Variants in MLLT3 observed in about 807,000 individuals in gnomAD.
The protein encoded by MLLT3 is protein AF-9.
Under a neutral mutation model 53.2 loss-of-function variants are expected in MLLT3, and 4 were observed. The ratio of observed to expected loss-of-function variants is 0.08; its 90% CI spans 0.04 to 0.17. The LOEUF (loss-of-function observed/expected upper bound fraction) is 0.17, where lower values mean the gene tolerates loss of function less well. MLLT3 is among the 10% of genes least tolerant of loss of function. The probability of loss-of-function intolerance (pLI) is 1.00; values close to 1 mark genes in which losing one functional copy is unlikely to be tolerated. For synonymous variants in MLLT3, 283 were observed against 230.6 expected (o/e 1.23, Z -2.06); for missense variants, 569 against 684.0 (o/e 0.83, Z 1.87).
At chr9:20,609,272 G>C (rs988035806) in intron 2 of MLLT3, among the ~76,000 whole-genome samples, 1 of 151,992 alleles carries the variant, frequency 6.6e-6, no homozygotes, top group Non-Finnish European at 1.5e-5. Context: ...GAGTAGAAAA[G>C]TACTTGCTTT....
intron 2 of MLLT3, among the ~76,000 whole-genome samples, chr9:20,544,999 G>A (rs1382444383): frequency 6.7e-6 from 1 of 148,386 alleles, no homozygotes; most frequent in Non-Finnish European, 1.5e-5. Flanking sequence ...TGAGGCTGAG[G>A]TAGAAGGGCC....
At chr9:20,613,269 A>T (rs1316590649) in intron 2 of MLLT3, among the ~76,000 whole-genome samples, 1 of 152,218 alleles carries the variant, frequency 6.6e-6, no homozygotes, top group Non-Finnish European at 1.5e-5. Flanking sequence ...GCACACTTTA[A>T]AAGGGTAAAT....
chr9:20,568,003 G>A (rs1035432743), intron 2 of MLLT3, among the ~76,000 whole-genome samples: 13 of 152,060 alleles, frequency 8.5e-5, no homozygotes, highest in Admixed American at 4.6e-4. Flanking sequence ...CATGTTCTGT[G>A]GCTATTCAAT....
chr9:20,558,338 G>A lies in MLLT3; in HGVS notation c.193+62316C>T, dbSNP rs141517283. ...GGTAGAGACAGGGTTTCACCATGTT[G>A]GCCAGGCTGATCTCAAGTGCCTAAC... On this transcript the variant is annotated intron_variant, in intron 2 of 10. Coordinates refer to ENST00000380338, the MANE Select transcript of MLLT3 (RefSeq NM_004529.4). 4.2e-4 allele frequency among the ~76,000 whole-genome samples: 64 copies of A among 152,186 alleles called. 1 individual carries two copies. In the East Asian group the frequency reaches 0.012, roughly 29 times the overall value.
chr9:20,403,109 C>T (rs1822496352), intron 5 of MLLT3, among the ~76,000 whole-genome samples: 2 of 149,334 alleles, frequency 1.3e-5, no homozygotes, highest in African/African-American at 5.1e-5. Context: ...CATCCGAGGG[C>T]CCCCTTTTAA....
intron 2 of MLLT3, among the ~76,000 whole-genome samples, chr9:20,510,099 G>A (rs575621507): frequency 2.4e-4 from 37 of 152,144 alleles, no homozygotes; most frequent in African/African-American, 8.2e-4. Context: ...TCTGCTTGGC[G>A]AAAGAGCAAG....
chr9:20,534,837 G>A (rs1049641786), intron 2 of MLLT3, among the ~76,000 whole-genome samples: 2 of 152,072 alleles, frequency 1.3e-5, no homozygotes, highest in African/African-American at 4.8e-5. Context: ...AGTGAGCTGA[G>A]ATGATGCCAC....
rs1276562011 is a variant in MLLT3, at chr9:20,621,172, A to C, written c.13-338T>G. On this transcript the variant is annotated intron_variant, in intron 1 of 10. Coordinates refer to ENST00000380338, the MANE Select transcript of MLLT3 (RefSeq NM_004529.4). The surrounding 1 kb of genome is among the most constrained non-coding windows in gnomAD (Gnocchi z 7.0). ...CACGACAACAAATGCATCGGAAACA[A>C]ATCAGAAGGCGATGCCGGGGCGGTT... Among the ~76,000 whole-genome samples the C allele has an allele frequency of 6.6e-6, 1 of 152,184 alleles. No homozygotes were observed. The highest frequency in any genetic ancestry group is 1.5e-5 in the Non-Finnish European group (1 of 68,036).
intron 4 of MLLT3, among the ~76,000 whole-genome samples, chr9:20,421,590 T>C (rs1357272974): frequency 1.3e-5 from 2 of 152,204 alleles, no homozygotes; most frequent in African/African-American, 4.8e-5. Flanking sequence ...AATTGTATAA[T>C]GTCCTGACAT....
At chr9:20,585,395 C>T (rs915716780) in intron 2 of MLLT3, among the ~76,000 whole-genome samples, 3 of 152,162 alleles carry the variant, frequency 2.0e-5, no homozygotes, top group African/African-American at 7.2e-5. Context: ...CAAATACAGT[C>T]GTAGAAGGGT....
intron 2 of MLLT3, among the ~76,000 whole-genome samples, chr9:20,513,183 G>A (rs1469924957): frequency 1.3e-5 from 2 of 152,132 alleles, no homozygotes; most frequent in Non-Finnish European, 2.9e-5. Flanking sequence ...CTAAGTGTCT[G>A]ACCTGTGACC....
At chr9:20,586,103 C>T (rs562439078) in intron 2 of MLLT3, among the ~76,000 whole-genome samples, 6 of 152,192 alleles carry the variant, frequency 3.9e-5, no homozygotes, top group Non-Finnish European at 7.4e-5. Context: ...GTATCACTTG[C>T]ACTCAGGAGT....
At chr9:20,468,630 C>A (rs1586972446) in intron 2 of MLLT3, among the ~76,000 whole-genome samples, 1 of 152,308 alleles carries the variant, frequency 6.6e-6, no homozygotes, top group East Asian at 1.9e-4. Flanking sequence ...ATCAGGGGAC[C>A]TGGTTCTGGC....
intron 2 of MLLT3, among the ~76,000 whole-genome samples, chr9:20,575,512 T>C (rs1819631168): frequency 6.6e-6 from 1 of 152,200 alleles, no homozygotes; most frequent in Non-Finnish European, 1.5e-5. Context: ...ATTTCTTAAA[T>C]AACAAAACTT....
At chr9:20,521,851 C>T (rs1484505372) in intron 2 of MLLT3, among the ~76,000 whole-genome samples, 1 of 152,158 alleles carries the variant, frequency 6.6e-6, no homozygotes, top group Non-Finnish European at 1.5e-5. Flanking sequence ...GTAATATTCT[C>T]ATTCTATTTA....
At chr9:20,350,850 G>A (rs1438698501) in intron 10 of MLLT3, among the ~76,000 whole-genome samples, 1 of 152,118 alleles carries the variant, frequency 6.6e-6, no homozygotes, top group Non-Finnish European at 1.5e-5. Flanking sequence ...AAAGGTAAAT[G>A]CATTGATTTT....
At chr9:20,352,439 G>A (rs1821050934) in intron 10 of MLLT3, among the ~76,000 whole-genome samples, 1 of 152,118 alleles carries the variant, frequency 6.6e-6, no homozygotes, top group South Asian at 2.1e-4. Context: ...GGCCTAAGAA[G>A]AATATTAGCA....
chr9:20,576,621 C>T (rs778227204), intron 2 of MLLT3, among the ~76,000 whole-genome samples: 5 of 151,972 alleles, frequency 3.3e-5, no homozygotes, highest in South Asian at 2.1e-4. Context: ...ATATCTAGTT[C>T]GCCATCTTAT....
At position 20,346,206 on chromosome 9, in the gene MLLT3, G is replaced by A. The variant is rs1206183146; in HGVS notation, c.*237C>T. ...GCTAACTCTTCCCGGGGATTTCCTTGGAGAGAAGAGTGGTCCGCTGAGGCT... is the reference window on the plus strand; with the variant it reads ...GCTAACTCTTCCCGGGGATTTCCTTAGAGAGAAGAGTGGTCCGCTGAGGCT... On this transcript the variant is annotated 3_prime_UTR_variant, in exon 11 of 11. Transcript: ENST00000380338. 2 of 399,170 alleles carry A rather than the reference G, an allele frequency of 5.0e-6. No homozygotes were observed. The highest frequency in any genetic ancestry group is 4.3e-5 in the South Asian group (1 of 23,070). 24.7% of individuals were successfully genotyped at this position (399,170 alleles called of 1,614,324 possible).
Sources: allele counts gnomAD v4.1 joint callset (sites outside exome capture counted in the v4.1 genomes callset), GRCh38; gene constraint gnomAD v4.1.1; non-coding constraint Gnocchi (gnomAD v3.1); transcripts MANE v1.5; gene names NCBI Gene and HGNC (gene_info 2026-07-23, HGNC 2026-07-21).